The following SEMA5A variants were observed in gnomAD, a reference collection of about 807,000 sequenced individuals.
SEMA5A encodes the protein semaphorin-5A.
A neutral mutation model predicts 135.5 loss-of-function variants in SEMA5A; 55 were observed. That is an observed-to-expected ratio of 0.41 (90% confidence interval 0.33 to 0.51). SEMA5A has a LOEUF of 0.51. SEMA5A is among the 20% of genes least tolerant of loss of function. SEMA5A has a pLI of 0.37. For missense variants in SEMA5A, 1,290 were observed against 1,419.9 expected, an observed-to-expected ratio of 0.91 and a Z score of 1.47; for synonymous variants, 580 against 546.5, an observed-to-expected ratio of 1.06 and a Z score of -0.85.
chr5:9,353,329 A>G (rs1561177821), intron 3 of SEMA5A, among the ~76,000 whole-genome samples: 8 of 126,608 alleles, frequency 6.3e-5, no homozygotes, highest in Admixed American at 1.6e-4. Flanking sequence ...GAAGGAAAGG[A>G]AAGGAAATGA....
chr5:9,331,148 A>G (rs1201353305), intron 4 of SEMA5A, among the ~76,000 whole-genome samples: 3 of 152,244 alleles, frequency 2.0e-5, no homozygotes, highest in African/African-American at 7.2e-5. Context: ...TCTGATAAAC[A>G]TCTTCAGTTT....
rs1236510709 is a variant in SEMA5A, at chr5:9,108,218, G to C, written c.1995C>G (p.Cys665Trp). ...GAATGCCACCCCCGCATTGGGCTGT[G>C]CACCGTTCCCAAGGACCCCAGCCTG... ...FWTGWGPWER[C>W]TAQCGGGIQA... The change falls in exon 16 of 23, where the codon TGC becomes TGG. Residue 665 changes from cysteine (C) to tryptophan (W), a missense_variant. Coordinates refer to ENST00000382496, the MANE Select transcript of SEMA5A (RefSeq NM_003966.3). 1.2e-6 allele frequency: 2 copies of C among 1,614,200 alleles called. No homozygotes were observed. Among genetic ancestry groups the C allele is most frequent in the Admixed American group, 1.7e-5 (1 of 60,024 alleles).
chr5:9,109,197 C>A (rs978741056), intron 15 of SEMA5A, among the ~76,000 whole-genome samples: 9 of 151,222 alleles, frequency 6.0e-5, no homozygotes, highest in African/African-American at 1.9e-4. Flanking sequence ...CCCGCCACTA[C>A]GCCCGGCTAA....
At chr5:9,293,189 G>GCTCT (rs150885653) in intron 5 of SEMA5A, among the ~76,000 whole-genome samples, 9 of 149,528 alleles carry the variant, frequency 6.0e-5, no homozygotes, top group Non-Finnish European at 1.0e-4. Flanking sequence ...AGAGCTCTCA[G>GCTCT]GTCTCTCTCT....
At chr5:9,303,077 A>C (rs1403284031) in intron 5 of SEMA5A, among the ~76,000 whole-genome samples, 1 of 151,682 alleles carries the variant, frequency 6.6e-6, no homozygotes, top group East Asian at 1.9e-4. Flanking sequence ...ATTTAACTTA[A>C]ATACACACAC....
At position 9,434,636 on chromosome 5, in the gene SEMA5A, G is replaced by T. The variant is rs150329614; in HGVS notation, c.-78+3120C>A. Among the ~76,000 whole-genome samples the T allele has an allele frequency of 5.1e-3, 776 of 152,156 alleles. 6 individuals are homozygous for T. Among genetic ancestry groups the T allele is most frequent in the Non-Finnish European group, 7.8e-3 (533 of 67,996 alleles). ...CTGTGTTTATTTTTAAGAGGAATGG[G>T]ATTATATTAAATATATTATTCTGCA... is the stretch of plus-strand genomic sequence containing the variant. On this transcript the variant is annotated intron_variant, in intron 2 of 22. Transcript: ENST00000382496.
At chr5:9,512,870 G>A (rs1419839681) in intron 1 of SEMA5A, among the ~76,000 whole-genome samples, 2 of 151,794 alleles carry the variant, frequency 1.3e-5, no homozygotes, top group Non-Finnish European at 2.9e-5. Flanking sequence ...GAACAAATAC[G>A]CTCCCCTGCA....
At chr5:9,544,461 C>G (rs745625187) in intron 1 of SEMA5A, among the ~76,000 whole-genome samples, 2 of 152,162 alleles carry the variant, frequency 1.3e-5, no homozygotes, top group Non-Finnish European at 2.9e-5. Context: ...TTTCCTGTCC[C>G]CTCTCCTAGC....
chr5:9,441,373 G>A (rs902453088), intron 1 of SEMA5A, among the ~76,000 whole-genome samples: 1 of 152,104 alleles, frequency 6.6e-6, no homozygotes, highest in African/African-American at 2.4e-5. Flanking sequence ...TGCATTGCAG[G>A]TGAAACAAAC....
intron 8 of SEMA5A, among the ~76,000 whole-genome samples, chr5:9,205,636 T>G (rs551355474): frequency 1.4e-4 from 21 of 152,276 alleles, no homozygotes; most frequent in Admixed American, 1.3e-3. Context: ...CAACGTCCAT[T>G]TTAGATAGAA....
chr5:9,304,553 T>C (rs1751770265), intron 5 of SEMA5A, among the ~76,000 whole-genome samples: 2 of 152,170 alleles, frequency 1.3e-5, no homozygotes, highest in Non-Finnish European at 2.9e-5. Context: ...ATACAGCCTA[T>C]ATAGTTTGCT....
At chr5:9,220,839 T>C (rs1351562526) in intron 8 of SEMA5A, among the ~76,000 whole-genome samples, 4 of 152,122 alleles carry the variant, frequency 2.6e-5, no homozygotes, top group Non-Finnish European at 5.9e-5. Flanking sequence ...ATAATGTAAC[T>C]AGACACTGTG....
chr5:9,513,683 C>T (rs1736348619), intron 1 of SEMA5A, among the ~76,000 whole-genome samples: 1 of 152,208 alleles, frequency 6.6e-6, no homozygotes, highest in Non-Finnish European at 1.5e-5. Context: ...ATTCCATCTA[C>T]TTCTGAAGCC....
chr5:9,482,132 A>G (rs1467288763), intron 1 of SEMA5A, among the ~76,000 whole-genome samples: 1 of 152,200 alleles, frequency 6.6e-6, no homozygotes, highest in African/African-American at 2.4e-5. Flanking sequence ...CACCAAGTCC[A>G]GTTGAGTACA....
At chr5:9,269,914 G>C (rs1321115452) in intron 5 of SEMA5A, among the ~76,000 whole-genome samples, 2 of 152,112 alleles carry the variant, frequency 1.3e-5, no homozygotes, top group Non-Finnish European at 2.9e-5. Flanking sequence ...ACTTAGTAGA[G>C]TAGGCCTGAG....
At chr5:9,325,850 G>A (rs571981547) in intron 4 of SEMA5A, among the ~76,000 whole-genome samples, 36 of 152,190 alleles carry the variant, frequency 2.4e-4, no homozygotes, top group Admixed American at 1.6e-3. Context: ...CCTATTGAAC[G>A]TATGAGTTAG....
chr5:9,328,946 C>A (rs531860087), intron 4 of SEMA5A, among the ~76,000 whole-genome samples: 2 of 152,220 alleles, frequency 1.3e-5, no homozygotes, highest in South Asian at 4.1e-4. Context: ...TATAATCTGG[C>A]CCCAGCTAAT....
intron 1 of SEMA5A, among the ~76,000 whole-genome samples, chr5:9,477,860 A>C (rs929326330): frequency 2.0e-5 from 3 of 152,232 alleles, no homozygotes; most frequent in Non-Finnish European, 4.4e-5. Context: ...GGAGAAATTC[A>C]AGCCAGCTGC....
At chr5:9,373,429 C>T (rs1755226023) in intron 3 of SEMA5A, among the ~76,000 whole-genome samples, 1 of 152,174 alleles carries the variant, frequency 6.6e-6, no homozygotes, top group Non-Finnish European at 1.5e-5. Flanking sequence ...AACCCCCTAG[C>T]CCAGTCCCGG....
Sources: gnomAD v4.1 joint callset for allele counts (sites outside exome capture counted in the v4.1 genomes callset) on GRCh38, gnomAD v4.1.1 for gene constraint, MANE v1.5 for transcripts, NCBI Gene and HGNC (gene_info 2026-07-23, HGNC 2026-07-21) for gene names.